The following SLC7A1 variants were observed in gnomAD, a reference collection of about 807,000 sequenced individuals.
SLC7A1 encodes the protein high affinity cationic amino acid transporter 1.
In SLC7A1, 10 loss-of-function variants were observed where a neutral mutation model predicts 53.9. That is an observed-to-expected ratio of 0.19 (90% confidence interval 0.11 to 0.31). The LOEUF (loss-of-function observed/expected upper bound fraction) is 0.31. Among genes scored for constraint, SLC7A1 ranks in the 10% least tolerant of loss-of-function variants. SLC7A1 has a pLI of 1.00. For synonymous variants in SLC7A1, 342 were observed against 338.7 expected, an observed-to-expected ratio of 1.01 and a Z score of -0.11; for missense variants, 525 against 827.2, an observed-to-expected ratio of 0.63 and a Z score of 4.48.
At chr13:29,521,429 T>G (rs918419872) in intron 8 of SLC7A1, among the ~76,000 whole-genome samples, 17 of 152,210 alleles carry the variant, frequency 1.1e-4, no homozygotes, top group African/African-American at 4.1e-4. Flanking sequence ...TGGAAGGAGC[T>G]TGGCTACTTT....
At chr13:29,570,470 C>A (rs932807005) in intron 1 of SLC7A1, among the ~76,000 whole-genome samples, 1 of 152,206 alleles carries the variant, frequency 6.6e-6, no homozygotes, top group Non-Finnish European at 1.5e-5. Context: ...CACACCCGCC[C>A]CCCTACCTCC....
intron 4 of SLC7A1, 28 bp downstream of exon 4, chr13:29,532,796 C>T: frequency 6.3e-7 from 1 of 1,591,584 alleles, no homozygotes; most frequent in African/African-American, 1.3e-5. Flanking sequence ...TCACTCTGAC[C>T]CGATCTCTTT....
At chr13:29,526,367 G>A (rs1367364021) in intron 5 of SLC7A1, among the ~76,000 whole-genome samples, 2 of 152,158 alleles carry the variant, frequency 1.3e-5, no homozygotes, top group East Asian at 3.9e-4. Context: ...AGCTACTTGG[G>A]AAACTGAGGC....
chr13:29,593,703 C>A (rs1872196738), intron 1 of SLC7A1, among the ~76,000 whole-genome samples: 1 of 152,018 alleles, frequency 6.6e-6, no homozygotes, highest in Admixed American at 6.6e-5. Context: ...AGAATGAGTT[C>A]TTCTACCAAA....
intron 2 of SLC7A1, among the ~76,000 whole-genome samples, chr13:29,544,932 A>C (rs1869847593): frequency 6.6e-6 from 1 of 150,830 alleles, no homozygotes; most frequent in South Asian, 2.1e-4. Context: ...CCCCCAGGGC[A>C]AGGGCTGCAT....
chr13:29,571,192 A>T (rs1320844569), intron 1 of SLC7A1, among the ~76,000 whole-genome samples: 1 of 152,228 alleles, frequency 6.6e-6, no homozygotes, highest in Non-Finnish European at 1.5e-5. Flanking sequence ...TCACCAAAGT[A>T]CTATACAAAT....
intron 1 of SLC7A1, among the ~76,000 whole-genome samples, chr13:29,591,834 C>T (rs965974828): frequency 1.1e-4 from 17 of 152,168 alleles, no homozygotes; most frequent in Admixed American, 8.5e-4. Flanking sequence ...TTGGTTGCCA[C>T]GGTCAGAAAT....
intron 1 of SLC7A1, among the ~76,000 whole-genome samples, chr13:29,567,127 C>A (rs1871000604): frequency 6.6e-6 from 1 of 152,218 alleles, no homozygotes; most frequent in Non-Finnish European, 1.5e-5. Context: ...TTCTGGTGTT[C>A]TGTTACATTG....
chr13:29,594,821 C>T (rs963132645), intron 1 of SLC7A1, among the ~76,000 whole-genome samples: 1 of 152,080 alleles, frequency 6.6e-6, no homozygotes, highest in African/African-American at 2.4e-5. Flanking sequence ...GCCAGGCGCC[C>T]TAGGTCAGGG....
rs533844552 is a variant in SLC7A1 at position 29,594,452 on chromosome 13, A to G, written c.-115+964T>C. ...ATCCTAGTCACACAAGTCAAACACA[A>G]CTGCTGTCTGGTTCCCCCATCCCCT... On this transcript the variant is annotated intron_variant, in intron 1 of 12. Coordinates refer to ENST00000380752, the MANE Select transcript of SLC7A1 (RefSeq NM_003045.5). Among the ~76,000 whole-genome samples the G allele has an allele frequency of 3.7e-4, 56 of 152,292 alleles. 1 individual carries two copies. The highest frequency in any genetic ancestry group is 8.8e-5 in the Non-Finnish European group (6 of 68,014).
intron 9 of SLC7A1, among the ~76,000 whole-genome samples, chr13:29,518,544 C>T (rs573075753): frequency 3.4e-4 from 52 of 152,276 alleles, no homozygotes; most frequent in Middle Eastern, 6.8e-3. Context: ...ACTTGTGCAA[C>T]CCCACTCGGT....
rs1326305367 is a variant in SLC7A1, at chr13:29,522,308, AG to A, written c.1189+8del. 5 of 1,614,000 alleles carry A rather than the reference AG, an allele frequency of 3.1e-6. No homozygotes were observed. In the African/African-American group the frequency reaches 6.7e-5, roughly 22 times the overall value. ...AACATTTCCATGTGAAATGAGTTCTAGTACTCACCAGCAACGGCACCCGAGG... is the reference window on the plus strand; with the variant it reads ...AACATTTCCATGTGAAATGAGTTCTATACTCACCAGCAACGGCACCCGAGG... On this transcript the variant is annotated splice_region_variant and intron_variant, in intron 8 of 12. Coordinates refer to ENST00000380752, the MANE Select transcript of SLC7A1 (RefSeq NM_003045.5).
intron 1 of SLC7A1, among the ~76,000 whole-genome samples, chr13:29,571,022 T>C (rs1281928329): frequency 6.6e-6 from 1 of 152,216 alleles, no homozygotes; most frequent in East Asian, 1.9e-4. Context: ...ATTAGTTTCT[T>C]AATGTATAAG....
At chr13:29,555,344 C>A in intron 1 of SLC7A1, among the ~76,000 whole-genome samples, 2 of 43,148 alleles carry the variant, frequency 4.6e-5, no homozygotes, top group Non-Finnish European at 5.3e-5. Context: ...GGCGACAGAG[C>A]GAGACTCCGT....
rs1325249541 is a variant in SLC7A1, at chr13:29,511,473, T to C, written c.*3007A>G. The C allele has an allele frequency of 1.3e-5, 2 of 152,184 alleles. No individual in the cohort carries two copies. Among genetic ancestry groups the C allele is most frequent in the African/African-American group, 2.4e-5 (1 of 41,428 alleles). 9.4% of individuals were successfully genotyped at this position (152,184 alleles called of 1,614,324 possible). On this transcript the variant is annotated 3_prime_UTR_variant, in exon 13 of 13. Coordinates refer to ENST00000380752, the MANE Select transcript of SLC7A1 (RefSeq NM_003045.5). ...GATTTGGAAAAATAAATCCGATGCA[T>C]AAAGCCTTGGACAAGGGTGTGTGAG...
At chr13:29,547,644 T>C (rs985967662) in intron 2 of SLC7A1, among the ~76,000 whole-genome samples, 6 of 152,208 alleles carry the variant, frequency 3.9e-5, no homozygotes, top group Non-Finnish European at 7.3e-5. Flanking sequence ...ATAATGAGTA[T>C]GTAATGCTTC....
intron 1 of SLC7A1, among the ~76,000 whole-genome samples, chr13:29,574,109 C>T (rs1445377970): frequency 6.6e-6 from 1 of 152,204 alleles, no homozygotes; most frequent in Non-Finnish European, 1.5e-5. Flanking sequence ...GAGACAAAAT[C>T]AGGATATTGT....
intron 2 of SLC7A1, among the ~76,000 whole-genome samples, chr13:29,536,686 A>G (rs780735373): frequency 1.4e-4 from 21 of 152,200 alleles, no homozygotes; most frequent in Non-Finnish European, 2.1e-4. Context: ...GAATGGCAAT[A>G]ACAATGTTTT....
chr13:29,569,191 G>A (rs1036501403), intron 1 of SLC7A1, among the ~76,000 whole-genome samples: 1 of 151,996 alleles, frequency 6.6e-6, no homozygotes, highest in Non-Finnish European at 1.5e-5. Flanking sequence ...TATGCATCCC[G>A]AGCTCTCTGG....
Sources: allele counts gnomAD v4.1 joint callset (sites outside exome capture counted in the v4.1 genomes callset), GRCh38; gene constraint gnomAD v4.1.1; transcripts MANE v1.5; gene names NCBI Gene and HGNC (gene_info 2026-07-23, HGNC 2026-07-21).